The following CNTNAP2 variants were observed in gnomAD, a reference collection of about 807,000 sequenced individuals.
CNTNAP2 encodes the protein contactin associated protein 2, also known as contactin-associated protein-like 2.
Under a neutral mutation model 155.2 loss-of-function variants are expected in CNTNAP2, and 98 were observed. The ratio of observed to expected loss-of-function variants is 0.63; its 90% confidence interval spans 0.54 to 0.75. The LOEUF is 0.75. Ranked by LOEUF, CNTNAP2 falls within the 30% of genes least tolerant of loss-of-function variation. The pLI is 0.00. For missense variants in CNTNAP2, 1,727 were observed against 1,688.1 expected (o/e 1.02, Z -0.40); for synonymous variants, 651 against 631.2 (o/e 1.03, Z -0.47).
At position 146,205,622 on chromosome 7, in the gene CNTNAP2, G is replaced by A. The variant is rs1798933835; in HGVS notation, c.97+88649G>A. On this transcript the variant is annotated intron_variant, in intron 1 of 23. Coordinates refer to ENST00000361727, the MANE Select transcript of CNTNAP2 (RefSeq NM_014141.6). ...ATAATAAAAAAGTACTGATTTCTAG[G>A]GAAAAATAAATAATTCCCCACACTC... is the stretch of plus-strand genomic sequence containing the variant. Among the ~76,000 whole-genome samples the A allele has an allele frequency of 2.0e-5, 3 of 151,536 alleles. No homozygotes were observed. The South Asian group carries it at 6.2e-4, about 31-fold the overall frequency.
At chr7:147,787,660 A>G (rs1210432675) in intron 13 of CNTNAP2, among the ~76,000 whole-genome samples, 2 of 152,250 alleles carry the variant, frequency 1.3e-5, no homozygotes, top group East Asian at 1.9e-4. Flanking sequence ...GGTTTGTAAA[A>G]TAGCAGACTT....
intron 11 of CNTNAP2, chr7:147,496,485 T>C (rs1431630075): frequency 1.3e-5 from 2 of 152,230 alleles, no homozygotes; most frequent in African/African-American, 2.4e-5. Flanking sequence ...CTGAAAGTGA[T>C]ACAGACGCTT....
At chr7:148,189,414 A>G (rs1168739527) in intron 18 of CNTNAP2, among the ~76,000 whole-genome samples, 8 of 152,172 alleles carry the variant, frequency 5.3e-5, no homozygotes, top group Non-Finnish European at 8.8e-5. Context: ...GGAGAAGCTC[A>G]AGAGCAGGCA....
At chr7:146,842,725 G>A (rs957910372) in intron 3 of CNTNAP2, among the ~76,000 whole-genome samples, 3 of 151,984 alleles carry the variant, frequency 2.0e-5, no homozygotes, top group Non-Finnish European at 4.4e-5. Flanking sequence ...TCGCTCTTTC[G>A]CCCAGGCTGG....
intron 1 of CNTNAP2, among the ~76,000 whole-genome samples, chr7:146,296,457 G>A (rs1325319412): frequency 6.6e-6 from 1 of 152,068 alleles, no homozygotes; most frequent in Non-Finnish European, 1.5e-5. Context: ...GACTTGTTGA[G>A]CATCAGGCAA....
intron 14 of CNTNAP2, among the ~76,000 whole-genome samples, chr7:147,937,044 T>TCACCACCAC (rs151046019): frequency 6.7e-6 from 1 of 150,276 alleles, no homozygotes; most frequent in Admixed American, 6.7e-5. Flanking sequence ...CCTCACCCCC[T>TCACCACCAC]CACCACCACC....
intron 21 of CNTNAP2, among the ~76,000 whole-genome samples, chr7:148,325,153 TC>T (rs1797865786): frequency 1.3e-5 from 2 of 152,278 alleles, no homozygotes; most frequent in Non-Finnish European, 2.9e-5. Context: ...CAGATTTTTG[TC>T]TTTTCTATTG....
chr7:147,291,315 C>T (rs534957392), intron 8 of CNTNAP2, among the ~76,000 whole-genome samples: 1 of 152,212 alleles, frequency 6.6e-6, no homozygotes, highest in South Asian at 2.1e-4. Flanking sequence ...TGCTCTCCCT[C>T]CCCTTTCCCC....
intron 15 of CNTNAP2, among the ~76,000 whole-genome samples, chr7:148,092,095 A>G (rs1457102026): frequency 1.3e-5 from 2 of 152,216 alleles, no homozygotes; most frequent in African/African-American, 4.8e-5. Flanking sequence ...TGAAGATCAA[A>G]TACACTCATG....
intron 6 of CNTNAP2, among the ~76,000 whole-genome samples, chr7:147,126,496 G>A (rs999748962): frequency 1.3e-5 from 2 of 151,994 alleles, no homozygotes; most frequent in South Asian, 4.1e-4. Flanking sequence ...TATTTGAGAC[G>A]GACTCTTTCT....
intron 3 of CNTNAP2, among the ~76,000 whole-genome samples, chr7:146,882,663 T>C (rs1279942326): frequency 6.6e-6 from 1 of 152,132 alleles, no homozygotes; most frequent in Non-Finnish European, 1.5e-5. Context: ...CTTGGGCAGT[T>C]CTTTATAGCA....
chr7:148,176,209 CTCTTTTTTTT>C (rs1562984710), intron 18 of CNTNAP2, among the ~76,000 whole-genome samples: 58 of 123,244 alleles, frequency 4.7e-4, no homozygotes, highest in Middle Eastern at 4.9e-3. Context: ...TTCTTTCTTT[CTCTTTTTTTT>C]TTTTTTTTTT....
chr7:146,976,281 A>G (rs1797908258), intron 3 of CNTNAP2, among the ~76,000 whole-genome samples: 1 of 152,144 alleles, frequency 6.6e-6, no homozygotes, highest in Non-Finnish European at 1.5e-5. Flanking sequence ...TGCAGTGGAC[A>G]CAAGCTGACT....
chr7:146,358,022 T>TTTAA (rs1563053711), intron 1 of CNTNAP2, among the ~76,000 whole-genome samples: 2 of 149,074 alleles, frequency 1.3e-5, no homozygotes, highest in African/African-American at 5.0e-5. Context: ...ATTTATTTAA[T>TTTAA]TTTATTTATT....
At chr7:147,487,524 T>C (rs1432843139) in intron 11 of CNTNAP2, among the ~76,000 whole-genome samples, 4 of 152,320 alleles carry the variant, frequency 2.6e-5, no homozygotes, top group African/African-American at 9.6e-5. Flanking sequence ...ATAAATACCA[T>C]ATTTAATTAC....
At chr7:147,497,506 C>G (rs1798729572) in intron 11 of CNTNAP2, among the ~76,000 whole-genome samples, 2 of 152,144 alleles carry the variant, frequency 1.3e-5, no homozygotes, top group South Asian at 4.1e-4. Context: ...TTTCACTAGG[C>G]TAGGTAGAGC....
intron 14 of CNTNAP2, 66 bp downstream of exon 14, chr7:147,903,787 G>A: frequency 6.3e-7 from 1 of 1,577,186 alleles, no homozygotes; most frequent in Non-Finnish European, 8.6e-7. Flanking sequence ...AAACTCATGT[G>A]ATAGAAGAAA....
intron 1 of CNTNAP2, among the ~76,000 whole-genome samples, chr7:146,432,320 C>T (rs1796184317): frequency 6.6e-6 from 1 of 152,010 alleles, no homozygotes; most frequent in Non-Finnish European, 1.5e-5. Context: ...TTGAGTCATG[C>T]TCACTGTTTT....
intron 1 of CNTNAP2, among the ~76,000 whole-genome samples, chr7:146,588,582 T>C (rs1455910372): frequency 6.6e-6 from 1 of 152,088 alleles, no homozygotes; most frequent in Non-Finnish European, 1.5e-5. Flanking sequence ...TCACTGCTCA[T>C]TGCAGTCTCG....
Sources: allele counts gnomAD v4.1 joint callset (sites outside exome capture counted in the v4.1 genomes callset), GRCh38; gene constraint gnomAD v4.1.1; transcripts MANE v1.5; gene names NCBI Gene and HGNC (gene_info 2026-07-23, HGNC 2026-07-21).